The following BRSK2 variants were observed in gnomAD, a reference collection of about 807,000 sequenced individuals.
The protein encoded by BRSK2 is BR serine/threonine kinase 2.
A neutral mutation model predicts 83.3 loss-of-function variants in BRSK2; 19 were observed. The ratio of observed to expected loss-of-function variants is 0.23; its 90% CI spans 0.16 to 0.33. The LOEUF is 0.33. Among genes scored for constraint, BRSK2 ranks in the 10% least tolerant of loss-of-function variants. BRSK2 has a pLI of 1.00. For missense variants in BRSK2, 798 were observed against 1,042.3 expected (o/e 0.77, Z 3.23); for synonymous variants, 519 against 435.4 (o/e 1.19, Z -2.39).
At chr11:1,409,840 G>A (rs1004951321) in intron 1 of BRSK2, 1 of 152,298 alleles carries the variant, frequency 6.6e-6, no homozygotes, top group African/African-American at 2.4e-5. Context: ...CAAAAGCAGA[G>A]GGAAGAGCCC....
At position 1,390,223 on chromosome 11, in the gene BRSK2, C is replaced by G; in HGVS notation, c.-62C>G. The G allele has an allele frequency of 1.1e-6, 1 of 903,382 alleles. No individual in the cohort carries two copies. Among genetic ancestry groups the G allele is most frequent in the Non-Finnish European group, 1.3e-6 (1 of 755,060 alleles). 56.0% of individuals were successfully genotyped at this position (903,382 alleles called of 1,614,324 possible). On this transcript the variant is annotated 5_prime_UTR_variant, in exon 1 of 20. Transcript: ENST00000528841. The surrounding 1 kb of genome is among the most constrained non-coding windows in gnomAD (Gnocchi z 6.8). ...GGCACTCGGCGGACGCGGGCGGACG[C>G]TGGGCGGCCCCTCCCTGCCCGCGCG...
chr11:1,451,314 C>T (rs1175683610), intron 14 of BRSK2, 57 bp from the exon 15 acceptor site: 2 of 1,601,226 alleles, frequency 1.2e-6, no homozygotes, highest in Non-Finnish European at 1.7e-6. Flanking sequence ...GTGGCCAGGG[C>T]AGGGGAAGGA....
intron 18 of BRSK2, 185 bp downstream of exon 18, chr11:1,456,872 C>T (rs1026547313): frequency 1.3e-5 from 19 of 1,485,954 alleles, no homozygotes; most frequent in East Asian, 2.4e-5. Context: ...CCTGGCCTGG[C>T]GGGACCACCC....
intron 5 of BRSK2, among the ~76,000 whole-genome samples, 173 bp downstream of exon 5, chr11:1,442,779 A>G (rs1396490761): frequency 6.6e-6 from 1 of 151,838 alleles, no homozygotes; most frequent in African/African-American, 2.4e-5. Flanking sequence ...TGGTGGGGAG[A>G]CAGGCCTCCC....
intron 1 of BRSK2, among the ~76,000 whole-genome samples, chr11:1,421,191 G>A (rs933258617): frequency 2.0e-5 from 3 of 152,196 alleles, no homozygotes; most frequent in Non-Finnish European, 4.4e-5. Context: ...CAGTGTGGGG[G>A]CTCTCATTTA....
intron 12 of BRSK2, among the ~76,000 whole-genome samples, 184 bp from the exon 13 acceptor site, chr11:1,449,592 T>C (rs1386530223): frequency 1.3e-5 from 2 of 152,120 alleles, no homozygotes; most frequent in African/African-American, 4.8e-5. Context: ...CCAGTGGGGC[T>C]GGGCACAGCC....
chr11:1,445,107 G>A, intron 9 of BRSK2, 105 bp downstream of exon 9: 1 of 1,528,566 alleles, frequency 6.5e-7, no homozygotes, highest in Non-Finnish European at 9.0e-7. Context: ...CGCAGGTCCT[G>A]CCCTGCCTTG....
At chr11:1,447,305 C>T (rs371758316) in intron 12 of BRSK2, among the ~76,000 whole-genome samples, 19 of 152,216 alleles carry the variant, frequency 1.2e-4, no homozygotes, top group South Asian at 1.0e-3. Context: ...CCGGACTCCC[C>T]GACCCTGCAG....
chr11:1,399,217 A>G (rs1286057964), intron 1 of BRSK2, among the ~76,000 whole-genome samples: 2 of 151,880 alleles, frequency 1.3e-5, no homozygotes, highest in Admixed American at 1.3e-4. Context: ...CCTCCAGGGT[A>G]CTTGGTTCCA....
In BRSK2 at chr11:1,460,975, AT is replaced by A; in HGVS notation, c.*253del. ...TGTTTCCACTCTGATACCAGGAATT[AT>A]CCCGAAAAGTTAACATGTCACCTCC... On this transcript the variant is annotated 3_prime_UTR_variant, in exon 20 of 20. Coordinates refer to ENST00000528841, the MANE Select transcript of BRSK2 (RefSeq NM_001256627.2). 6.2e-7 allele frequency: 1 copy of A among 1,612,360 alleles called. No homozygotes were observed.
At chr11:1,391,529 C>T (rs1244242895) in intron 1 of BRSK2, among the ~76,000 whole-genome samples, 5 of 152,160 alleles carry the variant, frequency 3.3e-5, no homozygotes, top group Non-Finnish European at 4.4e-5. Context: ...GGGGTTTAGA[C>T]TGAGGGGTTC....
At chr11:1,440,155 C>T (rs1004275639) in intron 3 of BRSK2, among the ~76,000 whole-genome samples, 10 of 152,186 alleles carry the variant, frequency 6.6e-5, no homozygotes, top group African/African-American at 1.7e-4. Context: ...CTGCATGCAG[C>T]GTCCCACGGG....
chr11:1,443,557 C>T lies in BRSK2; in HGVS notation c.702C>T (p.His234=), dbSNP rs772319187. The change falls in exon 8 of 20, where the codon CAC becomes CAT. Residue 234 remains histidine (H), a synonymous_variant. Coordinates refer to ENST00000528841, the MANE Select transcript of BRSK2 (RefSeq NM_001256627.2). ...LLEKVKRGVF[H]MPHFIPPDCQ... Reference sequence around the variant, plus strand: ...AGAAGGTGAAGCGGGGCGTGTTCCACATGCCGCACTTTATCCCGCCCGACT... The same window carrying T: ...AGAAGGTGAAGCGGGGCGTGTTCCATATGCCGCACTTTATCCCGCCCGACT... 1 of 1,610,732 alleles carries T rather than the reference C, an allele frequency of 6.2e-7. No homozygotes were observed. The highest frequency in any genetic ancestry group is 8.5e-7 in the Non-Finnish European group (1 of 1,178,936).
chr11:1,402,002 TC>T (rs1201110001), intron 1 of BRSK2, among the ~76,000 whole-genome samples: 1 of 152,200 alleles, frequency 6.6e-6, no homozygotes, highest in East Asian at 1.9e-4. Flanking sequence ...TGCTGGCCAG[TC>T]CCCCAGCCCT....
intron 13 of BRSK2, among the ~76,000 whole-genome samples, chr11:1,450,304 A>G (rs1175579927): frequency 2.6e-5 from 4 of 151,948 alleles, no homozygotes; most frequent in Admixed American, 6.5e-5. Flanking sequence ...CGGAGCCCGA[A>G]GCTTGTGGGA....
rs1055708387 is a variant in BRSK2 at position 1,423,934 on chromosome 11, C to T, written c.92-12106C>T. Among the ~76,000 whole-genome samples the T allele has an allele frequency of 2.0e-5, 3 of 152,130 alleles. No homozygotes were observed. The highest frequency in any genetic ancestry group is 4.4e-5 in the Non-Finnish European group (3 of 68,016). ...GCGCCCCCATCCCACCCCGTGTGTC[C>T]CCAGCCACACTTTCCTCGGCCTTTC... is the stretch of plus-strand genomic sequence containing the variant. On this transcript the variant is annotated intron_variant, in intron 1 of 19. Coordinates refer to ENST00000528841, the MANE Select transcript of BRSK2 (RefSeq NM_001256627.2). The surrounding 1 kb of genome is among the most constrained non-coding windows in gnomAD (Gnocchi z 6.5).
intron 1 of BRSK2, among the ~76,000 whole-genome samples, chr11:1,392,327 C>A (rs1209447418): frequency 1.3e-5 from 2 of 152,210 alleles, no homozygotes; most frequent in Non-Finnish European, 2.9e-5. Context: ...TCTGATCCTG[C>A]CGTTGAGAAC....
chr11:1,414,500 A>G (rs1254501378), intron 1 of BRSK2, among the ~76,000 whole-genome samples: 2 of 152,242 alleles, frequency 1.3e-5, no homozygotes, highest in Non-Finnish European at 2.9e-5. Context: ...CAAAGGCAGC[A>G]ATTGTTTGGA....
intron 14 of BRSK2, 119 bp from the exon 15 acceptor site, chr11:1,451,252 G>C (rs1021681633): frequency 5.2e-6 from 6 of 1,156,672 alleles, no homozygotes; most frequent in African/African-American, 1.5e-5. Context: ...CCCTGGGGGG[G>C]CTGTCCCAGT....
Sources: gnomAD v4.1 joint callset for allele counts (sites outside exome capture counted in the v4.1 genomes callset) on GRCh38, gnomAD v4.1.1 for gene constraint, Gnocchi (gnomAD v3.1) non-coding constraint, MANE v1.5 for transcripts, NCBI Gene and HGNC (gene_info 2026-07-23, HGNC 2026-07-21) for gene names.